The following BRIP1 variants were observed in gnomAD, a reference collection of about 807,000 sequenced individuals.
BRIP1 encodes the protein BRCA1 interacting DNA helicase 1.
BRIP1 carries 88 observed loss-of-function variants against 119.7 expected under a neutral mutation model. The observed-to-expected ratio is 0.74, with a 90% CI of 0.62 to 0.88. BRIP1 has a LOEUF of 0.88. BRIP1 is among the 40% of genes least tolerant of loss of function. The pLI, the probability that BRIP1 is intolerant of heterozygous loss-of-function variation, is 0.00. For synonymous variants in BRIP1, 443 were observed against 496.5 expected (o/e 0.89, Z 1.43); for missense variants, 1,259 against 1,455.4 (o/e 0.87, Z 2.20).
chr17:61,801,215 A>T (rs2077984967), intron 8 of BRIP1, 38 bp downstream of exon 8: 1 of 1,545,176 alleles, frequency 6.5e-7, no homozygotes, highest in Non-Finnish European at 8.9e-7. Flanking sequence ...CATCTCCATG[A>T]GTAGGAAGAA....
rs2061669762 is a variant in BRIP1 at position 61,704,912 on chromosome 17, A to G, written c.2492+11039T>C. Among the ~76,000 whole-genome samples, 1 of 151,996 alleles carries G rather than the reference A, an allele frequency of 6.6e-6. No homozygotes were observed. Among genetic ancestry groups the G allele is most frequent in the African/African-American group, 2.4e-5 (1 of 41,392 alleles). On this transcript the variant is annotated intron_variant, in intron 17 of 19. Coordinates refer to ENST00000259008, the MANE Select transcript of BRIP1 (RefSeq NM_032043.3). This position sits in a 1 kb window ranked among gnomAD's most constrained non-coding sequence, Gnocchi z 5.7. ...TTATCAATTTTATTGATCTTTTCAA[A>G]GAGTCTATTTTTTTCTGTTTTTCAA...
intron 17 of BRIP1, among the ~76,000 whole-genome samples, chr17:61,698,338 A>C (rs1009553384): frequency 8.5e-5 from 13 of 152,160 alleles, no homozygotes; most frequent in African/African-American, 2.9e-4. Context: ...TTGTAGTCAG[A>C]AATAATACTT....
At chr17:61,829,292 T>C (rs575868540) in intron 6 of BRIP1, among the ~76,000 whole-genome samples, 1 of 152,114 alleles carries the variant, frequency 6.6e-6, no homozygotes, top group Non-Finnish European at 1.5e-5. Context: ...GGAGTGGCTA[T>C]ATCAATGTTA....
At position 61,827,710 on chromosome 17, in the gene BRIP1, C is replaced by G. The variant is rs1273320362; in HGVS notation, c.628-18953G>C. ...TGCCACTGCACTCCGGCCTGGGCGA[C>G]AGAGTGAAGCCCTGTCTCAAAAAAG... On this transcript the variant is annotated intron_variant, in intron 6 of 19. Transcript: ENST00000259008. The surrounding 1 kb of genome is among the most constrained non-coding windows in gnomAD (Gnocchi z 5.8). 6.6e-6 allele frequency among the ~76,000 whole-genome samples: 1 copy of G among 152,146 alleles called. No homozygotes were observed. The highest frequency in any genetic ancestry group is 1.5e-5 in the Non-Finnish European group (1 of 68,026).
rs549580142 is a variant in BRIP1, at chr17:61,811,517, C to A, written c.628-2760G>T. On this transcript the variant is annotated intron_variant, in intron 6 of 19. Transcript: ENST00000259008. ...GGATTACAGGTGTAAGCCACCATGCCCGGCCAAGAAGATGGTTTTCAATAG... is the reference window on the plus strand; with the variant it reads ...GGATTACAGGTGTAAGCCACCATGCACGGCCAAGAAGATGGTTTTCAATAG... Among the ~76,000 whole-genome samples, 3 of 151,942 alleles carry A rather than the reference C, an allele frequency of 2.0e-5. No homozygotes were observed. The East Asian group carries it at 5.9e-4, about 30-fold the overall frequency.
rs138131677 is a variant in BRIP1, at chr17:61,780,584, C to T, written c.1795-183G>A. On this transcript the variant is annotated intron_variant, in intron 12 of 19. Coordinates refer to ENST00000259008, the MANE Select transcript of BRIP1 (RefSeq NM_032043.3). This position sits in a 1 kb window ranked among gnomAD's most constrained non-coding sequence, Gnocchi z 5.4. ...CTCTACAAAAAATACAAAAATTAGCCGGGCATGGTGACACATGCCTATAGT... is the reference window on the plus strand; with the variant it reads ...CTCTACAAAAAATACAAAAATTAGCTGGGCATGGTGACACATGCCTATAGT... Among the ~76,000 whole-genome samples, 3 of 152,036 alleles carry T rather than the reference C, an allele frequency of 2.0e-5. No homozygotes were observed. The highest frequency in any genetic ancestry group is 7.2e-5 in the African/African-American group (3 of 41,492).
intron 16 of BRIP1, among the ~76,000 whole-genome samples, chr17:61,731,191 A>G (rs561194472): frequency 3.3e-5 from 5 of 152,250 alleles, no homozygotes; most frequent in South Asian, 2.1e-4. Flanking sequence ...TTTTTCTTCT[A>G]TATCTGTGAT....
In BRIP1 at chr17:61,780,140, G is replaced by C; in HGVS notation, c.1935+121C>G. On this transcript the variant is annotated intron_variant, in intron 13 of 19. Coordinates refer to ENST00000259008, the MANE Select transcript of BRIP1 (RefSeq NM_032043.3). The surrounding 1 kb of genome is among the most constrained non-coding windows in gnomAD (Gnocchi z 5.4). ...CAGATTTTCTTTTATTGTAAAACTGGAATGTTGAATTTCCTACCAAGATTT... is the reference window on the plus strand; with the variant it reads ...CAGATTTTCTTTTATTGTAAAACTGCAATGTTGAATTTCCTACCAAGATTT... 2 of 1,067,932 alleles carry C rather than the reference G, an allele frequency of 1.9e-6. No homozygotes were observed. The highest frequency in any genetic ancestry group is 2.8e-6 in the Non-Finnish European group (2 of 714,354). 66.2% of individuals were successfully genotyped at this position (1,067,932 alleles called of 1,614,324 possible).
At chr17:61,714,397 C>T (rs2061826089) in intron 17 of BRIP1, among the ~76,000 whole-genome samples, 1 of 152,108 alleles carries the variant, frequency 6.6e-6, no homozygotes, top group Non-Finnish European at 1.5e-5. Context: ...TATACCATAT[C>T]TTTACTGTAC....
chr17:61,713,309 T>A lies in BRIP1; in HGVS notation c.2492+2642A>T, dbSNP rs879245558. Among the ~76,000 whole-genome samples the A allele has an allele frequency of 6.6e-6, 1 of 150,908 alleles. No homozygotes were observed. The highest frequency in any genetic ancestry group is 2.4e-5 in the African/African-American group (1 of 41,112). On this transcript the variant is annotated intron_variant, in intron 17 of 19. Coordinates refer to ENST00000259008, the MANE Select transcript of BRIP1 (RefSeq NM_032043.3). This position sits in a 1 kb window ranked among gnomAD's most constrained non-coding sequence, Gnocchi z 4.9. ...TACAGTGTACTCCTTTCACTTACAT[T>A]AAAAAAAAAGTTAACTATAAAACAG...
intron 10 of BRIP1, among the ~76,000 whole-genome samples, chr17:61,786,988 A>G (rs2077726982): frequency 8.6e-6 from 1 of 116,766 alleles, no homozygotes; most frequent in Non-Finnish European, 1.6e-5. Flanking sequence ...AAATTTATAT[A>G]AATTTATAAA....
In BRIP1 at chr17:61,761,487, CATA is replaced by C. The variant is rs2077276276; in HGVS notation, c.2097+14911_2097+14913del. 6.6e-6 allele frequency among the ~76,000 whole-genome samples: 1 copy of C among 151,856 alleles called. No homozygotes were observed. The highest frequency in any genetic ancestry group is 1.5e-5 in the Non-Finnish European group (1 of 67,906). On this transcript the variant is annotated intron_variant, in intron 14 of 19. Transcript: ENST00000259008. This position sits in a 1 kb window ranked among gnomAD's most constrained non-coding sequence, Gnocchi z 6.4. Reference sequence around the variant, plus strand: ...TGAAACTGCCCCTGTTTGCTGAAGACATAATCTTATATATAGAAACCCCTAAAG... The same window carrying C: ...TGAAACTGCCCCTGTTTGCTGAAGACATCTTATATATAGAAACCCCTAAAG...
chr17:61,713,808 A>G lies in BRIP1; in HGVS notation c.2492+2143T>C, dbSNP rs2061816357. Among the ~76,000 whole-genome samples, 1 of 152,032 alleles carries G rather than the reference A, an allele frequency of 6.6e-6. No individual in the cohort carries two copies. Among genetic ancestry groups the G allele is most frequent in the Admixed American group, 6.6e-5 (1 of 15,248 alleles). ...AAGTGCTGGATTACAGGCTTCAGCT[A>G]TTGCGCTCCCCATGTCTTCATTTTT... On this transcript the variant is annotated intron_variant, in intron 17 of 19. Coordinates refer to ENST00000259008, the MANE Select transcript of BRIP1 (RefSeq NM_032043.3). This position sits in a 1 kb window ranked among gnomAD's most constrained non-coding sequence, Gnocchi z 4.9.
At chr17:61,837,865 C>T (rs943406694) in intron 6 of BRIP1, among the ~76,000 whole-genome samples, 33 of 152,144 alleles carry the variant, frequency 2.2e-4, no homozygotes, top group African/African-American at 7.7e-4. Context: ...AAGGTACTGA[C>T]ACTATCTTCC....
At chr17:61,801,554 G>T in intron 7 of BRIP1, 80 bp from the exon 8 acceptor site, 1 of 1,300,112 alleles carries the variant, frequency 7.7e-7, no homozygotes. Flanking sequence ...CAGAATTTGA[G>T]GAACATCATT....
intron 17 of BRIP1, among the ~76,000 whole-genome samples, chr17:61,698,343 A>T (rs374194903): frequency 2.8e-4 from 43 of 152,298 alleles, no homozygotes; most frequent in African/African-American, 9.1e-4. Context: ...GTCAGAAATA[A>T]TACTTGTAAT....
intron 10 of BRIP1, among the ~76,000 whole-genome samples, chr17:61,784,946 C>A (rs2077683402): frequency 6.6e-6 from 1 of 152,120 alleles, no homozygotes; most frequent in Non-Finnish European, 1.5e-5. Flanking sequence ...TATAGTGATA[C>A]AAACAAAGAC....
chr17:61,740,129 G>T lies in BRIP1; in HGVS notation c.2379+2884C>A, dbSNP rs2076967846. Reference sequence around the variant, plus strand: ...GCTTGGGTATAATTTCCTGACCACAGCACAGAGCATTAAAGTACAAGCAGA... The same window carrying T: ...GCTTGGGTATAATTTCCTGACCACATCACAGAGCATTAAAGTACAAGCAGA... On this transcript the variant is annotated intron_variant, in intron 16 of 19. Coordinates refer to ENST00000259008, the MANE Select transcript of BRIP1 (RefSeq NM_032043.3). This position sits in a 1 kb window ranked among gnomAD's most constrained non-coding sequence, Gnocchi z 5.4. Among the ~76,000 whole-genome samples the T allele has an allele frequency of 6.6e-6, 1 of 152,060 alleles. No homozygotes were observed. The highest frequency in any genetic ancestry group is 1.5e-5 in the Non-Finnish European group (1 of 68,022).
At position 61,845,027 on chromosome 17, in the gene BRIP1, G is replaced by A. The variant is rs946970900; in HGVS notation, c.627+2074C>T. On this transcript the variant is annotated intron_variant, in intron 6 of 19. Transcript: ENST00000259008. The surrounding 1 kb of genome is among the most constrained non-coding windows in gnomAD (Gnocchi z 4.2). ...ACATGAAAAAGACTGACATTACATC[G>A]TAATAGGACAGACAAATAATAAACA... 2.0e-5 allele frequency among the ~76,000 whole-genome samples: 3 copies of A among 152,134 alleles called. No homozygotes were observed. Among genetic ancestry groups the A allele is most frequent in the South Asian group, 2.1e-4 (1 of 4,824 alleles).
Sources: allele counts gnomAD v4.1 joint callset (sites outside exome capture counted in the v4.1 genomes callset), GRCh38; gene constraint gnomAD v4.1.1; non-coding constraint Gnocchi (gnomAD v3.1); transcripts MANE v1.5; gene names NCBI Gene and HGNC (gene_info 2026-07-23, HGNC 2026-07-21).